The following LUZP2 variants were observed in gnomAD, a reference collection of about 807,000 sequenced individuals.
LUZP2 encodes the protein leucine zipper protein 2.
Under a neutral mutation model 51.6 loss-of-function variants are expected in LUZP2, and 52 were observed. The observed-to-expected ratio is 1.01, with a 90% confidence interval of 0.81 to 1.27. The LOEUF is 1.27. LUZP2 is among the 50% of genes most tolerant of loss of function. LUZP2 has a pLI of 0.00. For missense variants in LUZP2, 436 were observed against 395.4 expected, an observed-to-expected ratio of 1.10 and a Z score of -0.87; for synonymous variants, 154 against 137.3, an observed-to-expected ratio of 1.12 and a Z score of -0.85.
intron 8 of LUZP2, among the ~76,000 whole-genome samples, chr11:24,980,635 A>G (rs1285950991): frequency 6.6e-6 from 1 of 151,958 alleles, no homozygotes; most frequent in South Asian, 2.1e-4. Context: ...AAAAACAACA[A>G]GATGATTTGA....
At chr11:24,776,631 A>C (rs1378290838) in intron 5 of LUZP2, among the ~76,000 whole-genome samples, 1 of 152,220 alleles carries the variant, frequency 6.6e-6, no homozygotes, top group Admixed American at 6.5e-5. Context: ...ATGTATTCAC[A>C]TTGCCATATA....
intron 5 of LUZP2, chr11:24,891,064 G>C (rs1456230055): frequency 3.2e-5 from 31 of 983,528 alleles, no homozygotes; most frequent in Non-Finnish European, 3.5e-5. Context: ...ATAAATAGCT[G>C]AGAAACGTTC....
chr11:24,681,198 G>C (rs902541028), intron 1 of LUZP2, among the ~76,000 whole-genome samples: 1 of 151,760 alleles, frequency 6.6e-6, no homozygotes, highest in African/African-American at 2.4e-5. Flanking sequence ...AGCCAGGATG[G>C]TCTCGATCTC....
chr11:24,837,679 G>T (rs911104945), intron 5 of LUZP2, among the ~76,000 whole-genome samples: 4 of 151,684 alleles, frequency 2.6e-5, no homozygotes, highest in Non-Finnish European at 5.9e-5. Context: ...AATTTGTAAA[G>T]TTGTTTCAAT....
intron 1 of LUZP2, among the ~76,000 whole-genome samples, chr11:24,553,046 T>C (rs1193654313): frequency 6.6e-6 from 1 of 151,612 alleles, no homozygotes; most frequent in Non-Finnish European, 1.5e-5. Flanking sequence ...ACACATACTG[T>C]AGACCTTGAG....
chr11:24,548,420 A>G (rs1379709371), intron 1 of LUZP2, among the ~76,000 whole-genome samples: 3 of 152,086 alleles, frequency 2.0e-5, no homozygotes, highest in Non-Finnish European at 4.4e-5. Flanking sequence ...ATGGCGCTGG[A>G]ATTAATGGAT....
chr11:24,605,808 A>C (rs939166988), intron 1 of LUZP2, among the ~76,000 whole-genome samples: 3 of 151,792 alleles, frequency 2.0e-5, no homozygotes, highest in Admixed American at 6.6e-5. Context: ...GGTCTCCAGA[A>C]CTTATTTGTC....
At chr11:25,046,724 C>A (rs1858325331) in intron 9 of LUZP2, among the ~76,000 whole-genome samples, 1 of 152,044 alleles carries the variant, frequency 6.6e-6, no homozygotes, top group African/African-American at 2.4e-5. Flanking sequence ...AAAATATTAT[C>A]TATAAAACTC....
chr11:24,526,166 A>G (rs951222138), intron 1 of LUZP2, among the ~76,000 whole-genome samples: 3 of 151,140 alleles, frequency 2.0e-5, no homozygotes, highest in Non-Finnish European at 3.0e-5. Flanking sequence ...TTCTAAAGCA[A>G]TCATTCTGCT....
intron 4 of LUZP2, among the ~76,000 whole-genome samples, chr11:24,746,539 T>C (rs557394365): frequency 6.6e-6 from 1 of 152,318 alleles, no homozygotes; most frequent in South Asian, 2.1e-4. Flanking sequence ...TAGTCGATGA[T>C]CTTTTTGTGA....
chr11:24,999,933 G>A (rs1856630068), intron 9 of LUZP2, among the ~76,000 whole-genome samples: 1 of 152,092 alleles, frequency 6.6e-6, no homozygotes, highest in Middle Eastern at 3.2e-3. Flanking sequence ...AGCTTCCACA[G>A]TGTGGAAGGG....
At chr11:24,657,165 G>A (rs1855835770) in intron 1 of LUZP2, among the ~76,000 whole-genome samples, 1 of 152,280 alleles carries the variant, frequency 6.6e-6, no homozygotes, top group East Asian at 1.9e-4. Context: ...GGCTATTGTA[G>A]TAGTCATGTT....
chr11:24,843,504 T>C (rs1851098303), intron 5 of LUZP2, among the ~76,000 whole-genome samples: 1 of 152,160 alleles, frequency 6.6e-6, no homozygotes, highest in Non-Finnish European at 1.5e-5. Flanking sequence ...TTTAAAGTTA[T>C]AATGGATTAT....
At chr11:24,524,748 T>A (rs538286956) in intron 1 of LUZP2, among the ~76,000 whole-genome samples, 2 of 151,804 alleles carry the variant, frequency 1.3e-5, no homozygotes, top group African/African-American at 4.8e-5. Context: ...CTGAGGCATA[T>A]TTGAATGTTC....
At chr11:24,594,317 G>A (rs1338787239) in intron 1 of LUZP2, among the ~76,000 whole-genome samples, 1 of 152,108 alleles carries the variant, frequency 6.6e-6, no homozygotes, top group Admixed American at 6.6e-5. Context: ...ATATTTGGAA[G>A]GACAGTAACT....
Position 24,559,292 on chromosome 11 carries a change from A to G in LUZP2, c.62+61987A>G, listed in dbSNP as rs149988280. 7.1e-3 allele frequency among the ~76,000 whole-genome samples: 1,087 copies of G among 152,314 alleles called. 15 individuals carry two copies. Among genetic ancestry groups the G allele is most frequent in the African/African-American group, 0.025 (1,043 of 41,572 alleles). ...AAAACAAAAGAGAGAGAATGAAAAA[A>G]TCACCTCAAACTAAAACCTAAATGG... On this transcript the variant is annotated intron_variant, in intron 1 of 11. Transcript: ENST00000336930.
At chr11:24,590,367 C>A (rs1853217011) in intron 1 of LUZP2, among the ~76,000 whole-genome samples, 1 of 152,086 alleles carries the variant, frequency 6.6e-6, no homozygotes, top group Non-Finnish European at 1.5e-5. Flanking sequence ...ATAATCTAAT[C>A]AGGGTAGTTA....
intron 7 of LUZP2, among the ~76,000 whole-genome samples, chr11:24,926,222 C>T (rs540983988): frequency 2.2e-4 from 28 of 127,740 alleles, no homozygotes; most frequent in East Asian, 1.1e-3. Flanking sequence ...TATATATATA[C>T]GTGTATATAT....
intron 5 of LUZP2, among the ~76,000 whole-genome samples, chr11:24,852,356 A>G (rs1454321635): frequency 6.6e-6 from 1 of 151,968 alleles, no homozygotes; most frequent in East Asian, 1.9e-4. Flanking sequence ...CCTTAATTTC[A>G]TTATTTACCC....
Sources: gnomAD v4.1 joint callset for allele counts (sites outside exome capture counted in the v4.1 genomes callset) on GRCh38, gnomAD v4.1.1 for gene constraint, MANE v1.5 for transcripts, NCBI Gene and HGNC (gene_info 2026-07-23, HGNC 2026-07-21) for gene names.